The following RALGPS2 variants were observed in gnomAD, a reference collection of about 807,000 sequenced individuals.
RALGPS2 encodes the protein ras-specific guanine nucleotide-releasing factor RalGPS2.
RALGPS2 carries 43 observed loss-of-function variants against 86.8 expected under a neutral mutation model. That is an observed-to-expected ratio of 0.50 (90% CI 0.39 to 0.64). The LOEUF (loss-of-function observed/expected upper bound fraction) is 0.64. Ranked by LOEUF, RALGPS2 falls within the 30% of genes least tolerant of loss-of-function variation. The pLI is 0.00. For missense variants in RALGPS2, 536 were observed against 694.6 expected, an observed-to-expected ratio of 0.77 and a Z score of 2.57; for synonymous variants, 243 against 231.3, an observed-to-expected ratio of 1.05 and a Z score of -0.46.
rs184999018 is a variant in RALGPS2 at position 178,819,741 on chromosome 1, A to G, written c.388-1871A>G. On this transcript the variant is annotated intron_variant, in intron 6 of 19. Coordinates refer to ENST00000367635, the MANE Select transcript of RALGPS2 (RefSeq NM_152663.5). The stretch of plus-strand genomic sequence containing the variant: ...TTATTTTCACTGGAAGAGTAGGTCA[A>G]GGTGTCTAATTTACCAGACTTCTGG... Among the ~76,000 whole-genome samples, 53 of 152,328 alleles carry G rather than the reference A, an allele frequency of 3.5e-4. No homozygotes were observed. The Middle Eastern group carries it at 0.01, about 29-fold the overall frequency.
intron 8 of RALGPS2, among the ~76,000 whole-genome samples, chr1:178,859,003 C>A (rs1285161940): frequency 6.6e-6 from 1 of 152,136 alleles, no homozygotes; most frequent in African/African-American, 2.4e-5. Flanking sequence ...CATTAACTTT[C>A]AGTTAAATAT....
intron 10 of RALGPS2, among the ~76,000 whole-genome samples, chr1:178,882,796 A>T (rs1659314103): frequency 6.6e-6 from 1 of 152,144 alleles, no homozygotes; most frequent in Non-Finnish European, 1.5e-5. Context: ...CATATAATAA[A>T]CTCTGACTTA....
chr1:178,800,713 G>A (rs1022398988), intron 4 of RALGPS2, among the ~76,000 whole-genome samples: 2 of 152,258 alleles, frequency 1.3e-5, no homozygotes, highest in Admixed American at 6.5e-5. Context: ...AAAGTTAGAT[G>A]TGGGTTTTCA....
chr1:178,821,518 A>G (rs1655502933), intron 6 of RALGPS2, 94 bp from the exon 7 acceptor site: 2 of 883,120 alleles, frequency 2.3e-6, no homozygotes, highest in Non-Finnish European at 3.7e-6. Context: ...CTGGAACACT[A>G]CCAGTTGCCA....
chr1:178,920,493 C>T lies in RALGPS2; in HGVS notation c.*4134C>T, dbSNP rs1452255030. 1.3e-5 allele frequency: 2 copies of T among 151,948 alleles called. No individual in the cohort carries two copies. The highest frequency in any genetic ancestry group is 2.9e-5 in the Non-Finnish European group (2 of 67,890). 9.4% of individuals were successfully genotyped at this position (151,948 alleles called of 1,614,324 possible). ...CTCTCCACCAGCTTAATCTTTCTCACCCCAAGTCTAACAAAGTCTTTACAG... is the reference window on the plus strand; with the variant it reads ...CTCTCCACCAGCTTAATCTTTCTCATCCCAAGTCTAACAAAGTCTTTACAG... On this transcript the variant is annotated 3_prime_UTR_variant, in exon 20 of 20. Transcript: ENST00000367635.
chr1:178,907,768 C>G (rs1035098711), intron 19 of RALGPS2, among the ~76,000 whole-genome samples: 3 of 152,142 alleles, frequency 2.0e-5, no homozygotes, highest in Non-Finnish European at 1.5e-5. Flanking sequence ...ACTATATAAG[C>G]TTAGAAAGCT....
chr1:178,803,979 T>C (rs1481196173), intron 4 of RALGPS2, among the ~76,000 whole-genome samples: 3 of 152,072 alleles, frequency 2.0e-5, no homozygotes, highest in Non-Finnish European at 4.4e-5. Context: ...CCACTGACAG[T>C]GCCCTGGTTG....
intron 1 of RALGPS2, among the ~76,000 whole-genome samples, chr1:178,761,869 A>AATTTT (rs1210553673): frequency 6.6e-6 from 1 of 152,104 alleles, no homozygotes; most frequent in Non-Finnish European, 1.5e-5. Context: ...TTGATTTTTA[A>AATTTT]ATTTTATTTT....
In RALGPS2 at chr1:178,804,370, G is replaced by A. The variant is rs1344715052; in HGVS notation, c.214-3675G>A. On this transcript the variant is annotated intron_variant, in intron 4 of 19. Coordinates refer to ENST00000367635, the MANE Select transcript of RALGPS2 (RefSeq NM_152663.5). The stretch of plus-strand genomic sequence containing the variant: ...TATACATGTGCCATGCTGGTGTGCT[G>A]CACCCACTAACTCGTCATCTAGCAT... Among the ~76,000 whole-genome samples the A allele has an allele frequency of 4.9e-4, 69 of 141,978 alleles. 1 individual carries two copies. Among genetic ancestry groups the A allele is most frequent in the Admixed American group, 4.0e-3 (57 of 14,148 alleles). The allele number at this position is 141,978 out of a possible 152,430, so 93.1% of individuals were successfully genotyped here.
At position 178,920,058 on chromosome 1, in the gene RALGPS2, G is replaced by A. The variant is rs1253461237; in HGVS notation, c.*3699G>A. 6.6e-6 allele frequency: 1 copy of A among 151,706 alleles called. No homozygotes were observed. Among genetic ancestry groups the A allele is most frequent in the African/African-American group, 2.4e-5 (1 of 41,350 alleles). 9.4% of individuals were successfully genotyped at this position (151,706 alleles called of 1,614,324 possible). ...TTGCTTTTATTTTCCTCTCTTTTTTGTATTATTTCTTTCAAACATAGTAAA... is the reference window on the plus strand; with the variant it reads ...TTGCTTTTATTTTCCTCTCTTTTTTATATTATTTCTTTCAAACATAGTAAA... On this transcript the variant is annotated 3_prime_UTR_variant, in exon 20 of 20. Coordinates refer to ENST00000367635, the MANE Select transcript of RALGPS2 (RefSeq NM_152663.5).
chr1:178,896,423 G>A (rs548552049), intron 16 of RALGPS2, among the ~76,000 whole-genome samples: 2 of 151,330 alleles, frequency 1.3e-5, no homozygotes, highest in East Asian at 3.9e-4. Flanking sequence ...AGATTGAGAA[G>A]CAATGGAGTT....
intron 1 of RALGPS2, among the ~76,000 whole-genome samples, chr1:178,730,636 C>T (rs184807740): frequency 6.7e-6 from 1 of 150,018 alleles, no homozygotes; most frequent in Admixed American, 6.6e-5. Context: ...CTTTTGCCTT[C>T]CACTTATGCT....
chr1:178,825,466 T>C (rs955301879), intron 7 of RALGPS2, among the ~76,000 whole-genome samples: 6 of 152,102 alleles, frequency 3.9e-5, no homozygotes, highest in African/African-American at 1.4e-4. Flanking sequence ...GATAAGATCA[T>C]TGGAGCAGAA....
chr1:178,727,866 A>C (rs1490288378), intron 1 of RALGPS2, among the ~76,000 whole-genome samples: 1 of 152,302 alleles, frequency 6.6e-6, no homozygotes, highest in Middle Eastern at 3.4e-3. Context: ...ATGGGGCTTA[A>C]ATGATAAGTG....
chr1:178,916,422 G>T lies in RALGPS2; in HGVS notation c.*63G>T. 6.8e-7 allele frequency: 1 copy of T among 1,474,470 alleles called. No homozygotes were observed. 91.3% of individuals were successfully genotyped at this position (1,474,470 alleles called of 1,614,324 possible). On this transcript the variant is annotated 3_prime_UTR_variant, in exon 20 of 20. Transcript: ENST00000367635. ...ACGTGAGCATGAGGACCTGATAAAA[G>T]AGCGCCAGCTATAAACCATCCTGTG... is the stretch of plus-strand genomic sequence containing the variant.
At position 178,917,512 on chromosome 1, in the gene RALGPS2, A is replaced by C. The variant is rs1660852721; in HGVS notation, c.*1153A>C. 3 of 152,268 alleles carry C rather than the reference A, an allele frequency of 2.0e-5. No homozygotes were observed. Among genetic ancestry groups the C allele is most frequent in the Admixed American group, 2.0e-4 (3 of 15,298 alleles). 9.4% of individuals were successfully genotyped at this position (152,268 alleles called of 1,614,324 possible). On this transcript the variant is annotated 3_prime_UTR_variant, in exon 20 of 20. Transcript: ENST00000367635. The stretch of plus-strand genomic sequence containing the variant: ...ATACAAAATAATTTTAAGAGGGATA[A>C]AGGTGAAAATATCAGATTCTGGAAA...
At chr1:178,753,935 C>T (rs1357712668) in intron 1 of RALGPS2, among the ~76,000 whole-genome samples, 1 of 151,882 alleles carries the variant, frequency 6.6e-6, no homozygotes, top group Non-Finnish European at 1.5e-5. Context: ...GGGTTCACGC[C>T]ATTCTCCTGC....
intron 18 of RALGPS2, among the ~76,000 whole-genome samples, chr1:178,904,487 T>A (rs1403293439): frequency 6.6e-6 from 1 of 152,224 alleles, no homozygotes; most frequent in Non-Finnish European, 1.5e-5. Context: ...GTTTCAGGTC[T>A]TAGATTTAAG....
At chr1:178,873,995 C>T (rs1658885861) in intron 8 of RALGPS2, among the ~76,000 whole-genome samples, 1 of 152,122 alleles carries the variant, frequency 6.6e-6, no homozygotes, top group Non-Finnish European at 1.5e-5. Context: ...ATTCTCCTGC[C>T]TCAGCCTCCC....
Sources: gnomAD v4.1 joint callset for allele counts (sites outside exome capture counted in the v4.1 genomes callset) on GRCh38, gnomAD v4.1.1 for gene constraint, MANE v1.5 for transcripts, NCBI Gene and HGNC (gene_info 2026-07-23, HGNC 2026-07-21) for gene names.